PCDHA4: variants seen among roughly 807,000 people sequenced by gnomAD.
The protein encoded by PCDHA4 is protocadherin alpha-4.
PCDHA4 carries 49 observed loss-of-function variants against 61.4 expected under a neutral mutation model. That is an observed-to-expected ratio of 0.80 (90% CI 0.63 to 1.01). The LOEUF (loss-of-function observed/expected upper bound fraction) is 1.01. PCDHA4 is among the 50% of genes least tolerant of loss of function. The probability of loss-of-function intolerance (pLI) is 0.00; values close to 1 mark genes in which losing one functional copy is unlikely to be tolerated. For missense variants in PCDHA4, 1,254 were observed against 1,235.8 expected (o/e 1.01, Z -0.22); for synonymous variants, 590 against 550.3 (o/e 1.07, Z -1.01).
rs2150475866 is a variant in PCDHA4 at position 140,850,252 on chromosome 5, GCGC to G, written c.2385+40683_2385+40685del. The G allele has an allele frequency of 1.9e-6, 3 of 1,593,828 alleles. 1 individual carries two copies. The Admixed American group carries it at 5.1e-5, about 27-fold the overall frequency. On this transcript the variant is annotated intron_variant, in intron 1 of 3. Transcript: ENST00000530339. ...AGCGAGATGGTGCTGCGGTCGGTGG[GCGC>G]CGGCGTAGTGGTGGGGAAGGTGCGC...
Position 140,968,192 on chromosome 5 carries a change from A to G in PCDHA4, c.2386-10757A>G, listed in dbSNP as rs555596025. The G allele has an allele frequency of 2.5e-6, 4 of 1,614,038 alleles. No individual in the cohort carries two copies. The Admixed American group carries it at 5.0e-5, about 20-fold the overall frequency. ...AAGCTTCCTGGAGGACTCCTATTCC[A>G]TCTACATACAGGAGAACAATTTGCC... On this transcript the variant is annotated intron_variant, in intron 1 of 3. Coordinates refer to ENST00000530339, the MANE Select transcript of PCDHA4 (RefSeq NM_018907.4).
rs2150408028 is a variant in PCDHA4, at chr5:140,848,285, C to G, written c.2385+38713C>G. 1.1e-4 allele frequency: 65 copies of G among 617,022 alleles called. 3 individuals carry two copies. The South Asian group carries it at 1.4e-3, about 14-fold the overall frequency. The allele number at this position is 617,022 out of a possible 1,614,324, so 38.2% of individuals were successfully genotyped here. On this transcript the variant is annotated intron_variant, in intron 1 of 3. Transcript: ENST00000530339. The stretch of plus-strand genomic sequence containing the variant: ...TTTATTCATGAAATATGTACTTACA[C>G]TTTGGGCCACGTGATGTCACTCTTT...
At chr5:140,863,350 A>G (rs781880705) in intron 1 of PCDHA4, 2 of 1,296,828 alleles carry the variant, frequency 1.5e-6, no homozygotes, top group Non-Finnish European at 2.1e-6. Flanking sequence ...GCTGTACACG[A>G]CGCTGCGGTG....
chr5:140,965,954 C>A lies in PCDHA4; in HGVS notation c.2386-12995C>A, dbSNP rs567785452. Among the ~76,000 whole-genome samples the A allele has an allele frequency of 9.8e-4, 149 of 152,300 alleles. 1 individual carries two copies. The highest frequency in any genetic ancestry group is 1.7e-3 in the Non-Finnish European group (115 of 68,034). The stretch of plus-strand genomic sequence containing the variant: ...GGAAAGAGGGCAGCATTTGCCATCC[C>A]CCTCCTTTTGCCCTAGGAGTTGAGC... On this transcript the variant is annotated intron_variant, in intron 1 of 3. Coordinates refer to ENST00000530339, the MANE Select transcript of PCDHA4 (RefSeq NM_018907.4).
At chr5:140,995,543 G>T (rs1243799532) in intron 3 of PCDHA4, among the ~76,000 whole-genome samples, 1 of 152,144 alleles carries the variant, frequency 6.6e-6, no homozygotes, top group African/African-American at 2.4e-5. Flanking sequence ...AATAAGGGGC[G>T]ATCACTGTAC....
At position 140,821,683 on chromosome 5, in the gene PCDHA4, A is replaced by C. The variant is rs2150110086; in HGVS notation, c.2385+12111A>C. ...GTGCCAAGAAGCTCAGAAAGGCGAT[A>C]ATATAAAAAATATATAGTTAATTGG... On this transcript the variant is annotated intron_variant, in intron 1 of 3. Transcript: ENST00000530339. 13 of 1,347,802 alleles carry C rather than the reference A, an allele frequency of 9.6e-6. No individual in the cohort carries two copies. In the South Asian group the frequency reaches 1.5e-4, roughly 15 times the overall value. 83.5% of individuals were successfully genotyped at this position (1,347,802 alleles called of 1,614,324 possible).
chr5:140,910,514 T>C (rs1246361505), intron 1 of PCDHA4, among the ~76,000 whole-genome samples: 1 of 152,218 alleles, frequency 6.6e-6, no homozygotes, highest in African/African-American at 2.4e-5. Flanking sequence ...TCTTCAAGGA[T>C]GCAGGTACTC....
At chr5:141,007,970 T>C (rs986378123) in intron 3 of PCDHA4, among the ~76,000 whole-genome samples, 3 of 152,248 alleles carry the variant, frequency 2.0e-5, no homozygotes, top group Admixed American at 6.5e-5. Flanking sequence ...TCTGGGTGTC[T>C]GTCATGTATA....
At chr5:140,882,531 C>A (rs781969592) in intron 1 of PCDHA4, 2 of 1,614,218 alleles carry the variant, frequency 1.2e-6, no homozygotes, top group Non-Finnish European at 1.7e-6. Context: ...TTTGTGAATT[C>A]TCGGATCGAC....
At chr5:140,855,462 A>C (rs2043478847) in intron 1 of PCDHA4, among the ~76,000 whole-genome samples, 1 of 149,974 alleles carries the variant, frequency 6.7e-6, no homozygotes, top group Admixed American at 6.7e-5. Context: ...AACACCTCAC[A>C]GATAGTTGAT....
intron 1 of PCDHA4, among the ~76,000 whole-genome samples, chr5:140,974,059 G>A (rs1233997260): frequency 6.6e-6 from 1 of 152,180 alleles, no homozygotes; most frequent in Non-Finnish European, 1.5e-5. Context: ...AATATTTGGA[G>A]CAGTATAATC....
chr5:140,875,556 C>T (rs781896642), intron 1 of PCDHA4: 4 of 1,614,128 alleles, frequency 2.5e-6, no homozygotes, highest in South Asian at 2.2e-5. Context: ...AGGTGGGGAG[C>T]GGCCAGCTCC....
At chr5:140,960,436 G>C (rs2095548378) in intron 1 of PCDHA4, among the ~76,000 whole-genome samples, 1 of 152,180 alleles carries the variant, frequency 6.6e-6, no homozygotes. Context: ...TGATACTCTA[G>C]ATATATGTAT....
chr5:140,851,342 C>G, intron 1 of PCDHA4: 1 of 978,740 alleles, frequency 1.0e-6, no homozygotes, highest in Non-Finnish European at 1.2e-6. Context: ...CTCTACATTT[C>G]TCTGGATGGA....
At chr5:140,882,080 C>A in intron 1 of PCDHA4, 1 of 970,966 alleles carries the variant, frequency 1.0e-6, no homozygotes, top group Non-Finnish European at 1.5e-6. Flanking sequence ...CATGGTGTCG[C>A]TCTTCACTGA....
At chr5:140,859,436 A>C (rs868952272) in intron 1 of PCDHA4, 6 of 225,632 alleles carry the variant, frequency 2.7e-5, no homozygotes, top group African/African-American at 1.2e-4. Flanking sequence ...AATGAAAGCT[A>C]ACTTAGTTGC....
chr5:140,846,853 G>A (rs1277401160), intron 1 of PCDHA4, among the ~76,000 whole-genome samples: 1 of 149,686 alleles, frequency 6.7e-6, no homozygotes, highest in East Asian at 1.9e-4. Flanking sequence ...TGCAAGGCAA[G>A]ATAATGTAAC....
chr5:140,935,045 G>T (rs1382389528), intron 1 of PCDHA4, among the ~76,000 whole-genome samples: 1 of 151,952 alleles, frequency 6.6e-6, no homozygotes, highest in Non-Finnish European at 1.5e-5. Flanking sequence ...TTGATTTCTG[G>T]TATTACAAGA....
Position 140,857,707 on chromosome 5 carries a change from C to T in PCDHA4, c.2385+48135C>T, listed in dbSNP as rs1554150544. Reference sequence around the variant, plus strand: ...GCAGCAACTTGACGCTGCAGGTGTTCGTGCTGGACGAGAACGACAACGCTC... The same window carrying T: ...GCAGCAACTTGACGCTGCAGGTGTTTGTGCTGGACGAGAACGACAACGCTC... On this transcript the variant is annotated intron_variant, in intron 1 of 3. Coordinates refer to ENST00000530339, the MANE Select transcript of PCDHA4 (RefSeq NM_018907.4). 3.1e-6 allele frequency: 5 copies of T among 1,597,080 alleles called. 1 individual carries two copies. Among genetic ancestry groups the T allele is most frequent in the East Asian group, 2.2e-5 (1 of 44,802 alleles).
Sources: gnomAD v4.1 joint callset for allele counts (sites outside exome capture counted in the v4.1 genomes callset) on GRCh38, gnomAD v4.1.1 for gene constraint, MANE v1.5 for transcripts, NCBI Gene and HGNC (gene_info 2026-07-23, HGNC 2026-07-21) for gene names.